The following HS3ST5 variants were observed in gnomAD, a reference collection of about 807,000 sequenced individuals.
The protein encoded by HS3ST5 is heparan sulfate-glucosamine 3-sulfotransferase 5, also known as heparan sulfate glucosamine 3-O-sulfotransferase 5.
Under a neutral mutation model 25.4 loss-of-function variants are expected in HS3ST5, and 10 were observed. The observed-to-expected ratio is 0.39, with a 90% confidence interval of 0.24 to 0.67. The LOEUF (loss-of-function observed/expected upper bound fraction) is 0.67, where lower values mean the gene tolerates loss of function less well. Among genes scored for constraint, HS3ST5 ranks in the 30% least tolerant of loss-of-function variants. HS3ST5 has a pLI of 0.44. For synonymous variants in HS3ST5, 170 were observed against 162.4 expected, an observed-to-expected ratio of 1.05 and a Z score of -0.36; for missense variants, 324 against 420.7, an observed-to-expected ratio of 0.77 and a Z score of 2.01.
At chr6:114,158,464 C>T (rs1011442780) in intron 3 of HS3ST5, among the ~76,000 whole-genome samples, 8 of 152,078 alleles carry the variant, frequency 5.3e-5, no homozygotes, top group African/African-American at 1.9e-4. Flanking sequence ...TTATTATTAA[C>T]ATGTGTGAAG....
chr6:114,140,261 A>T (rs1777836133), intron 3 of HS3ST5, among the ~76,000 whole-genome samples: 1 of 152,226 alleles, frequency 6.6e-6, no homozygotes, highest in African/African-American at 2.4e-5. Flanking sequence ...GAATTTCATA[A>T]TGTTATTTTT....
intron 1 of HS3ST5, among the ~76,000 whole-genome samples, chr6:114,332,460 C>T (rs1473106978): frequency 6.6e-6 from 1 of 152,118 alleles, no homozygotes; most frequent in Non-Finnish European, 1.5e-5. Flanking sequence ...CTGCCTGACA[C>T]ACAGTACCTG....
intron 3 of HS3ST5, among the ~76,000 whole-genome samples, chr6:114,134,893 C>T (rs192691514): frequency 6.6e-6 from 1 of 152,312 alleles, no homozygotes; most frequent in East Asian, 1.9e-4. Flanking sequence ...CTTAAGCCCA[C>T]GTTACTGCCA....
intron 3 of HS3ST5, among the ~76,000 whole-genome samples, chr6:114,085,933 T>TAC (rs1774779424): frequency 1.4e-5 from 1 of 71,030 alleles, no homozygotes; most frequent in Non-Finnish European, 3.0e-5. Flanking sequence ...ATAAATTCAT[T>TAC]GCCCCCCCCC....
intron 2 of HS3ST5, among the ~76,000 whole-genome samples, chr6:114,189,632 T>C (rs1780401011): frequency 6.6e-6 from 1 of 152,166 alleles, no homozygotes; most frequent in Admixed American, 6.5e-5. Context: ...TCCTCTATTA[T>C]AATTTTAATT....
intron 3 of HS3ST5, among the ~76,000 whole-genome samples, chr6:114,072,852 A>G (rs1234063100): frequency 1.3e-5 from 2 of 152,194 alleles, no homozygotes; most frequent in Non-Finnish European, 2.9e-5. Flanking sequence ...CCTAAGCAAA[A>G]AGAACAAAGC....
chr6:114,245,221 A>AG (rs1386530084), intron 1 of HS3ST5, among the ~76,000 whole-genome samples: 1 of 152,190 alleles, frequency 6.6e-6, no homozygotes, highest in Non-Finnish European at 1.5e-5. Flanking sequence ...AACAAATACA[A>AG]GAAGAAAGTA....
chr6:114,252,639 GA>G (rs542278254), intron 1 of HS3ST5, among the ~76,000 whole-genome samples: 7,162 of 142,078 alleles, frequency 0.05, 183 homozygotes, highest in Middle Eastern at 0.081. Context: ...GCCTTCTTTT[GA>G]AAAAAAAAAA....
chr6:114,152,818 C>G (rs771229780), intron 3 of HS3ST5, among the ~76,000 whole-genome samples: 70 of 152,314 alleles, frequency 4.6e-4, no homozygotes, highest in Middle Eastern at 3.4e-3. Flanking sequence ...AAGTTCAGCA[C>G]CCATGAAGCC....
In HS3ST5 at chr6:114,084,611, A is replaced by T. The variant is rs1220909860; in HGVS notation, c.-32-21734T>A. ...ACATAGTGCAGAGGAGAATTGTTAC[A>T]GAGCAATGCTAGGTAGGTTAACATA... On this transcript the variant is annotated intron_variant, in intron 3 of 4. Coordinates refer to ENST00000312719, the MANE Select transcript of HS3ST5 (RefSeq NM_153612.4). The T allele has an allele frequency of 1.1e-5, 9 of 785,532 alleles. No individual in the cohort carries two copies. In the East Asian group the frequency reaches 2.2e-4, roughly 19 times the overall value. The allele number at this position is 785,532 out of a possible 1,614,324, so 48.7% of individuals were successfully genotyped here. A position where few individuals can be genotyped will look rare whatever the true frequency, so the allele number is the denominator to read the frequency against.
At chr6:114,162,662 A>C (rs1394435195) in intron 3 of HS3ST5, among the ~76,000 whole-genome samples, 1 of 152,138 alleles carries the variant, frequency 6.6e-6, no homozygotes, top group Non-Finnish European at 1.5e-5. Flanking sequence ...CTCCTTTTCC[A>C]GTCTTTTCCA....
intron 3 of HS3ST5, among the ~76,000 whole-genome samples, chr6:114,069,288 G>C (rs577178920): frequency 1.3e-5 from 2 of 151,662 alleles, no homozygotes; most frequent in African/African-American, 4.8e-5. Flanking sequence ...TGAACACTAG[G>C]CTCTGTGTTC....
rs138458938 is a variant in HS3ST5, at chr6:114,057,625, T to G, written c.673A>C (p.Lys225Gln). 263 of 1,613,256 alleles carry G rather than the reference T, an allele frequency of 1.6e-4. 1 individual carries two copies. Among genetic ancestry groups the G allele is most frequent in the Middle Eastern group, 3.3e-4 (2 of 6,082 alleles). ...ATGCTGGTTCTTACTGCTTTGTATT[T>G]TGTGTTCACTTCGCATGTATTAGGG... ...IDPNTCEVNT[K>Q]YKAVRTSIYT... The change falls in exon 5 of 5, where the codon AAA (lysine) becomes CAA (glutamine). Residue 225 changes from lysine (K) to glutamine (Q), a missense_variant. By Grantham distance (53) the Lys-to-Gln change is moderately conservative. Transcript: ENST00000312719.
chr6:114,318,000 A>G (rs1212584177), intron 1 of HS3ST5, among the ~76,000 whole-genome samples: 2 of 152,144 alleles, frequency 1.3e-5, no homozygotes, highest in Non-Finnish European at 2.9e-5. Context: ...GCTTTTCTCC[A>G]CTTGAAAGTT....
chr6:114,236,360 T>C (rs1393251028), intron 1 of HS3ST5, among the ~76,000 whole-genome samples: 2 of 152,228 alleles, frequency 1.3e-5, no homozygotes, highest in East Asian at 3.8e-4. Flanking sequence ...ATTGAATAAT[T>C]GTAATAGGCT....
At chr6:114,325,458 T>C (rs758502392) in intron 1 of HS3ST5, among the ~76,000 whole-genome samples, 1 of 152,162 alleles carries the variant, frequency 6.6e-6, no homozygotes, top group African/African-American at 2.4e-5. Context: ...TGGCAGATAG[T>C]ATTGTTAGGT....
At chr6:114,071,322 C>A (rs756140506) in intron 3 of HS3ST5, among the ~76,000 whole-genome samples, 2 of 152,180 alleles carry the variant, frequency 1.3e-5, no homozygotes, top group Non-Finnish European at 2.9e-5. Context: ...GATGCTTGCT[C>A]TCCCTCCCAG....
intron 1 of HS3ST5, among the ~76,000 whole-genome samples, chr6:114,259,468 C>T (rs1355842119): frequency 6.6e-6 from 1 of 152,190 alleles, no homozygotes; most frequent in Non-Finnish European, 1.5e-5. Context: ...TTTGGTGTCT[C>T]CACAGATCAT....
At chr6:114,301,273 T>C (rs1427578412) in intron 1 of HS3ST5, among the ~76,000 whole-genome samples, 1 of 152,190 alleles carries the variant, frequency 6.6e-6, no homozygotes, top group Admixed American at 6.5e-5. Flanking sequence ...TCATTTTTAG[T>C]TCATCTTTGT....
Sources: allele counts gnomAD v4.1 joint callset (sites outside exome capture counted in the v4.1 genomes callset), GRCh38; gene constraint gnomAD v4.1.1; transcripts MANE v1.5; gene names NCBI Gene and HGNC (gene_info 2026-07-23, HGNC 2026-07-21).